Variants in ANKS6 observed in about 807,000 individuals in gnomAD.
The protein encoded by ANKS6 is ankyrin repeat and SAM domain-containing protein 6.
Under a neutral mutation model 77.9 loss-of-function variants are expected in ANKS6, and 47 were observed. That is an observed-to-expected ratio of 0.60 (90% CI 0.48 to 0.77). The LOEUF is 0.77. ANKS6 is among the 30% of genes least tolerant of loss of function. ANKS6 has a pLI of 0.00. For missense variants in ANKS6, 1,150 were observed against 1,159.1 expected (o/e 0.99, Z 0.11); for synonymous variants, 488 against 501.7 (o/e 0.97, Z 0.37).
Position 98,784,041 on chromosome 9 carries a change from C to T in ANKS6, c.1024G>A (p.Val342Met). The T allele has an allele frequency of 6.2e-7, 1 of 1,611,614 alleles. No individual in the cohort carries two copies. ...GCGTGCCTCTCCACCAGCAGCTGCA[C>T]CAGAGCCAGCTGCCCCGTAACAGCT... ...LAAVTGQLALVQLLVERHADV... is the reference protein window; with the variant it reads ...LAAVTGQLALMQLLVERHADV... The change falls in exon 4 of 15, where the codon GTG becomes ATG. Residue 342 changes from valine to methionine, a missense_variant. Val to Met is a conservative substitution (Grantham distance 21). Transcript: ENST00000353234.
intron 12 of ANKS6, among the ~76,000 whole-genome samples, chr9:98,755,706 C>G (rs1338437481): frequency 6.6e-6 from 1 of 152,212 alleles, no homozygotes; most frequent in Admixed American, 6.5e-5. Flanking sequence ...TGGACCCCAA[C>G]TCCGCTCCAA....
At chr9:98,792,185 GA>G (rs1834936306) in intron 1 of ANKS6, among the ~76,000 whole-genome samples, 1 of 151,956 alleles carries the variant, frequency 6.6e-6, no homozygotes, top group African/African-American at 2.4e-5. Flanking sequence ...GACCCCACCA[GA>G]GGACTCTCCT....
At chr9:98,780,456 A>C in intron 5 of ANKS6, 119 bp from the exon 6 acceptor site, 2 of 1,242,484 alleles carry the variant, frequency 1.6e-6, no homozygotes, top group Non-Finnish European at 2.2e-6. Flanking sequence ...GGTCTGTGTA[A>C]TTCCAGAATC....
At chr9:98,738,809 A>G (rs1029194761) in intron 14 of ANKS6, among the ~76,000 whole-genome samples, 1 of 152,224 alleles carries the variant, frequency 6.6e-6, no homozygotes, top group African/African-American at 2.4e-5. Context: ...TGCCTATAGC[A>G]GCACAATTCA....
chr9:98,776,397 A>C (rs969192211), intron 8 of ANKS6, among the ~76,000 whole-genome samples: 4 of 100,218 alleles, frequency 4.0e-5, no homozygotes, highest in African/African-American at 8.6e-5. Context: ...GTTGCCAAAA[A>C]CCCTTTTTTT....
rs566226219 is a variant in ANKS6 at position 98,776,441 on chromosome 9, C to A, written c.1617+964G>T. 9.9e-5 allele frequency among the ~76,000 whole-genome samples: 15 copies of A among 151,628 alleles called. No individual in the cohort carries two copies. In the South Asian group the frequency reaches 2.7e-3, roughly 27 times the overall value. Reference sequence around the variant, plus strand: ...TTAAAGACAGAATCTTGCTCTGTTGCCCAGGCTGGAGAGCAATGGCACGAG... The same window carrying A: ...TTAAAGACAGAATCTTGCTCTGTTGACCAGGCTGGAGAGCAATGGCACGAG... On this transcript the variant is annotated intron_variant, in intron 8 of 14. Coordinates refer to ENST00000353234, the MANE Select transcript of ANKS6 (RefSeq NM_173551.5).
Position 98,791,274 on chromosome 9 carries a change from GC to G in ANKS6, c.360-669del, listed in dbSNP as rs1236400056. 2.0e-5 allele frequency among the ~76,000 whole-genome samples: 3 copies of G among 152,190 alleles called. No individual in the cohort carries two copies. In the East Asian group the frequency reaches 5.8e-4, roughly 29 times the overall value. On this transcript the variant is annotated intron_variant, in intron 1 of 14. Coordinates refer to ENST00000353234, the MANE Select transcript of ANKS6 (RefSeq NM_173551.5). The surrounding 1 kb of genome is among the most constrained non-coding windows in gnomAD (Gnocchi z 4.3). The stretch of plus-strand genomic sequence containing the variant: ...CCATCCCCAAAAGCACACACCCCAT[GC>G]CAAGAGGTGTGGCAAGGTTGTGGTC...
chr9:98,766,135 T>C (rs1448306277), intron 11 of ANKS6, among the ~76,000 whole-genome samples: 1 of 152,184 alleles, frequency 6.6e-6, no homozygotes, highest in East Asian at 1.9e-4. Flanking sequence ...AACATACTAT[T>C]AACATTATGT....
At chr9:98,775,283 A>G (rs1487904048) in intron 8 of ANKS6, among the ~76,000 whole-genome samples, 8 of 152,208 alleles carry the variant, frequency 5.3e-5, no homozygotes, top group Admixed American at 5.2e-4. Context: ...ATTCATCCTG[A>G]GCAAATAATC....
At chr9:98,767,187 C>T (rs1833349218) in intron 11 of ANKS6, among the ~76,000 whole-genome samples, 1 of 152,216 alleles carries the variant, frequency 6.6e-6, no homozygotes, top group African/African-American at 2.4e-5. Context: ...TGTTCTCTGG[C>T]TGCATTAATG....
At chr9:98,743,443 C>A (rs1010604637) in intron 14 of ANKS6, among the ~76,000 whole-genome samples, 4 of 152,214 alleles carry the variant, frequency 2.6e-5, no homozygotes, top group Admixed American at 1.3e-4. Flanking sequence ...CACTGCACAC[C>A]TCACTACAGG....
chr9:98,794,956 T>C (rs1015435873), intron 1 of ANKS6, among the ~76,000 whole-genome samples: 2 of 152,102 alleles, frequency 1.3e-5, no homozygotes, highest in South Asian at 2.1e-4. Context: ...GTGGCCAGGT[T>C]TGGGTACTGA....
chr9:98,739,545 T>C (rs1173722197), intron 14 of ANKS6, among the ~76,000 whole-genome samples: 1 of 152,144 alleles, frequency 6.6e-6, no homozygotes, highest in African/African-American at 2.4e-5. Context: ...AGAGGGATGA[T>C]AACAGTCCCT....
intron 14 of ANKS6, among the ~76,000 whole-genome samples, 188 bp from the exon 15 acceptor site, chr9:98,736,811 T>G (rs1705235660): frequency 6.6e-6 from 1 of 152,256 alleles, no homozygotes; most frequent in South Asian, 2.1e-4. Context: ...ATCTCCCCAG[T>G]ACCCACCATC....
At position 98,733,116 on chromosome 9, in the gene ANKS6, G is replaced by A. The variant is rs1035329932; in HGVS notation, c.*3403C>T. On this transcript the variant is annotated 3_prime_UTR_variant, in exon 15 of 15. Coordinates refer to ENST00000353234, the MANE Select transcript of ANKS6 (RefSeq NM_173551.5). The stretch of plus-strand genomic sequence containing the variant: ...TAAGATACTGTGGGGTTCCCTTGAG[G>A]GCAGAGAAGTCCTTTTTCATCTTTG... The A allele has an allele frequency of 2.1e-5, 19 of 910,490 alleles. No individual in the cohort carries two copies. The African/African-American group carries it at 3.4e-4, about 16-fold the overall frequency. The allele number at this position is 910,490 out of a possible 1,614,324, so 56.4% of individuals were successfully genotyped here.
chr9:98,790,257 G>T lies in ANKS6; in HGVS notation c.709C>A (p.Arg237=). The change falls in exon 2 of 15, where the codon CGG becomes AGG. Residue 237 remains arginine (R), a synonymous_variant. Coordinates refer to ENST00000353234, the MANE Select transcript of ANKS6 (RefSeq NM_173551.5). The part of the protein sequence containing the change: ...SPLMLAALTG[R]LGVAQQLVEK... The stretch of plus-strand genomic sequence containing the variant: ...ACCAGCTGCTGGGCCACTCCAAGCC[G>T]CCCAGTGAGTGCGGCCAGCATCAGC... 6.2e-7 allele frequency: 1 copy of T among 1,605,272 alleles called. No individual in the cohort carries two copies. The highest frequency in any genetic ancestry group is 8.5e-7 in the Non-Finnish European group (1 of 1,174,092).
rs186941924 is a variant in ANKS6 at position 98,791,305 on chromosome 9, G to A, written c.360-699C>T. 6.6e-6 allele frequency among the ~76,000 whole-genome samples: 1 copy of A among 152,360 alleles called. No homozygotes were observed. The highest frequency in any genetic ancestry group is 1.5e-5 in the Non-Finnish European group (1 of 68,036). On this transcript the variant is annotated intron_variant, in intron 1 of 14. Transcript: ENST00000353234. The surrounding 1 kb of genome is among the most constrained non-coding windows in gnomAD (Gnocchi z 4.3). Reference sequence around the variant, plus strand: ...AGGTGTGGCAAGGTTGTGGTCAGCAGATAGGCTGGGCATTGCGGCCTGGAG... The same window carrying A: ...AGGTGTGGCAAGGTTGTGGTCAGCAAATAGGCTGGGCATTGCGGCCTGGAG...
At chr9:98,746,334 C>G (rs1172328901) in intron 13 of ANKS6, among the ~76,000 whole-genome samples, 1 of 152,172 alleles carries the variant, frequency 6.6e-6, no homozygotes, top group East Asian at 1.9e-4. Flanking sequence ...TCCAATGAAG[C>G]AAGCACACCC....
At chr9:98,742,515 G>A (rs1831893348) in intron 14 of ANKS6, among the ~76,000 whole-genome samples, 1 of 152,166 alleles carries the variant, frequency 6.6e-6, no homozygotes, top group Admixed American at 6.5e-5. Context: ...GATGATACAT[G>A]GTCTTCACTT....
Sources: allele counts gnomAD v4.1 joint callset (sites outside exome capture counted in the v4.1 genomes callset), GRCh38; gene constraint gnomAD v4.1.1; non-coding constraint Gnocchi (gnomAD v3.1); transcripts MANE v1.5; gene names NCBI Gene and HGNC (gene_info 2026-07-23, HGNC 2026-07-21).